Variants in CSMD1 observed in about 807,000 individuals in gnomAD.
CSMD1 encodes CUB and Sushi multiple domains 1, also known as CUB and sushi domain-containing protein 1.
In CSMD1, 213 loss-of-function variants were observed where a neutral mutation model predicts 417.5. The observed-to-expected ratio is 0.51, with a 90% CI of 0.46 to 0.57. The LOEUF is 0.57. Among genes scored for constraint, CSMD1 ranks in the 20% least tolerant of loss-of-function variants. The pLI is 0.00. For synonymous variants in CSMD1, 2,862 were observed against 1,736.8 expected (o/e 1.65, Z -16.11); for missense variants, 6,923 against 4,529.7 (o/e 1.53, Z -15.17).
chr8:4,326,205 G>A (rs374521568), intron 3 of CSMD1, among the ~76,000 whole-genome samples: 8 of 152,114 alleles, frequency 5.3e-5, no homozygotes, highest in Non-Finnish European at 8.8e-5. Flanking sequence ...CAATGCTGCC[G>A]ATTTGGGAAC....
intron 41 of CSMD1, among the ~76,000 whole-genome samples, chr8:3,120,790 T>A (rs1283495387): frequency 6.6e-6 from 1 of 151,992 alleles, no homozygotes; most frequent in African/African-American, 2.4e-5. Context: ...AAGGTTGCAG[T>A]GAGCCGAGAT....
chr8:3,663,057 A>G (rs1798501207), intron 7 of CSMD1, among the ~76,000 whole-genome samples: 1 of 152,250 alleles, frequency 6.6e-6, no homozygotes, highest in African/African-American at 2.4e-5. Context: ...GGAATAAAGG[A>G]AAATGCAGAT....
intron 3 of CSMD1, among the ~76,000 whole-genome samples, chr8:4,098,094 A>G (rs1801115354): frequency 6.6e-6 from 1 of 152,202 alleles, no homozygotes; most frequent in Non-Finnish European, 1.5e-5. Context: ...TATCTCAACA[A>G]CAAAGGCTGA....
chr8:3,565,570 T>A (rs1254702523), intron 10 of CSMD1, among the ~76,000 whole-genome samples: 1 of 152,216 alleles, frequency 6.6e-6, no homozygotes, highest in Non-Finnish European at 1.5e-5. Context: ...CAAATGCAAG[T>A]GAATGCCTCT....
At chr8:3,601,803 C>T (rs901232316) in intron 8 of CSMD1, among the ~76,000 whole-genome samples, 1 of 152,210 alleles carries the variant, frequency 6.6e-6, no homozygotes, top group African/African-American at 2.4e-5. Context: ...CGTTTAAAAA[C>T]TCTTCAGAAT....
At chr8:3,864,904 G>C (rs1399892331) in intron 5 of CSMD1, among the ~76,000 whole-genome samples, 2 of 152,176 alleles carry the variant, frequency 1.3e-5, no homozygotes, top group African/African-American at 2.4e-5. Flanking sequence ...AGTAAAACAA[G>C]AAGTATTGCT....
chr8:2,938,494 G>T lies in CSMD1; in HGVS notation c.*91C>A. 1.6e-6 allele frequency: 2 copies of T among 1,270,164 alleles called. No individual in the cohort carries two copies. The highest frequency in any genetic ancestry group is 3.0e-5 in the South Asian group (2 of 66,798). 78.7% of individuals were successfully genotyped at this position (1,270,164 alleles called of 1,614,324 possible). ...TGAAGATCGCTGCAGTAAAGCCAGA[G>T]TGGAAGGGAGAGTGGTATATGGCAC... On this transcript the variant is annotated 3_prime_UTR_variant, in exon 70 of 70. Coordinates refer to ENST00000635120, the MANE Select transcript of CSMD1 (RefSeq NM_033225.6).
At chr8:4,714,652 G>A (rs1456102667) in intron 1 of CSMD1, among the ~76,000 whole-genome samples, 2 of 151,884 alleles carry the variant, frequency 1.3e-5, no homozygotes, top group Non-Finnish European at 2.9e-5. Flanking sequence ...TCCCCAGAAA[G>A]ACATACTTGT....
At position 4,855,204 on chromosome 8, in the gene CSMD1, C is replaced by G. The variant is rs1801724807; in HGVS notation, c.85+139128G>C. On this transcript the variant is annotated intron_variant, in intron 1 of 69. Transcript: ENST00000635120. ...TCCAACAGACCTGCAGCTGACGGTC[C>G]TCTTTGTTAGAAGAAAAACTAACAA... is the stretch of plus-strand genomic sequence containing the variant. Among the ~76,000 whole-genome samples the G allele has an allele frequency of 1.3e-5, 2 of 149,618 alleles. 1 individual carries two copies.
intron 5 of CSMD1, among the ~76,000 whole-genome samples, chr8:3,969,743 C>A (rs185765280): frequency 2.6e-4 from 40 of 152,204 alleles, no homozygotes; most frequent in Admixed American, 2.5e-3. Flanking sequence ...GTGTAGATGC[C>A]ACAGAGGAAT....
At chr8:3,938,076 C>T (rs1254596733) in intron 5 of CSMD1, among the ~76,000 whole-genome samples, 1 of 152,028 alleles carries the variant, frequency 6.6e-6, no homozygotes, top group Non-Finnish European at 1.5e-5. Flanking sequence ...GGGGATTACA[C>T]AGGATCGTGT....
rs144712021 is a variant in CSMD1 at position 4,611,066 on chromosome 8, A to G, written c.302+26276T>C. 9.7e-3 allele frequency among the ~76,000 whole-genome samples: 1,471 copies of G among 152,202 alleles called. 20 individuals carry two copies. Among genetic ancestry groups the G allele is most frequent in the Middle Eastern group, 0.061 (18 of 294 alleles). On this transcript the variant is annotated intron_variant, in intron 2 of 69. Coordinates refer to ENST00000635120, the MANE Select transcript of CSMD1 (RefSeq NM_033225.6). ...TTTGGTCTATTTACAAAAACTTAAG[A>G]AAAGTGAAAGAAGACCATAGAGAAT...
chr8:3,563,188 T>G (rs796273376), intron 10 of CSMD1, among the ~76,000 whole-genome samples: 1 of 152,188 alleles, frequency 6.6e-6, no homozygotes, highest in Admixed American at 6.5e-5. Context: ...TTTTATTTAG[T>G]TGGGTTTTTT....
chr8:4,800,371 C>A (rs1321652802), intron 1 of CSMD1, among the ~76,000 whole-genome samples: 1 of 146,794 alleles, frequency 6.8e-6, no homozygotes, highest in Non-Finnish European at 1.5e-5. Context: ...GTGGAGGTTG[C>A]AGTGAGCTGA....
intron 1 of CSMD1, among the ~76,000 whole-genome samples, chr8:4,975,401 C>G (rs555429892): frequency 6.6e-6 from 1 of 152,144 alleles, no homozygotes; most frequent in Non-Finnish European, 1.5e-5. Flanking sequence ...TGGCTGTAAG[C>G]GGCCTTATTG....
intron 3 of CSMD1, among the ~76,000 whole-genome samples, chr8:4,097,593 A>C (rs914045600): frequency 6.6e-6 from 1 of 152,224 alleles, no homozygotes; most frequent in Non-Finnish European, 1.5e-5. Context: ...TAACACCCAG[A>C]TTGATTAGCT....
intron 1 of CSMD1, among the ~76,000 whole-genome samples, chr8:4,712,704 G>GTT (rs1380422360): frequency 2.0e-5 from 3 of 152,064 alleles, no homozygotes; most frequent in African/African-American, 7.2e-5. Context: ...GTGACGGTGT[G>GTT]TTTTTTTCTC....
chr8:3,273,536 A>C (rs1368201449), intron 26 of CSMD1, among the ~76,000 whole-genome samples: 1 of 152,156 alleles, frequency 6.6e-6, no homozygotes, highest in South Asian at 2.1e-4. Flanking sequence ...CCTCTGGTAG[A>C]ATTCGGTTGT....
chr8:3,346,337 G>T (rs1473663906), intron 22 of CSMD1, among the ~76,000 whole-genome samples: 1 of 152,010 alleles, frequency 6.6e-6, no homozygotes, highest in Non-Finnish European at 1.5e-5. Flanking sequence ...TCATTCACCT[G>T]CACTAAAGTA....
Sources: allele counts gnomAD v4.1 joint callset (sites outside exome capture counted in the v4.1 genomes callset), GRCh38; gene constraint gnomAD v4.1.1; transcripts MANE v1.5; gene names NCBI Gene and HGNC (gene_info 2026-07-23, HGNC 2026-07-21).